Variants in MMP16 observed in about 807,000 individuals in gnomAD.
MMP16 encodes the protein matrix metalloproteinase-16.
Under a neutral mutation model 67.8 loss-of-function variants are expected in MMP16, and 12 were observed. That is an observed-to-expected ratio of 0.18 (90% confidence interval 0.11 to 0.29). The LOEUF (loss-of-function observed/expected upper bound fraction) is 0.29, where lower values mean the gene tolerates loss of function less well. MMP16 is among the 10% of genes least tolerant of loss of function. The pLI, the probability that MMP16 is intolerant of heterozygous loss-of-function variation, is 1.00. For synonymous variants in MMP16, 249 were observed against 255.9 expected (o/e 0.97, Z 0.26); for missense variants, 475 against 765.7 (o/e 0.62, Z 4.48).
At chr8:88,061,171 C>T (rs1157332660) in intron 7 of MMP16, among the ~76,000 whole-genome samples, 3 of 144,904 alleles carry the variant, frequency 2.1e-5, no homozygotes, top group Non-Finnish European at 3.0e-5. Flanking sequence ...CACACACACA[C>T]CCCTCATCCT....
intron 3 of MMP16, among the ~76,000 whole-genome samples, chr8:88,176,666 G>A (rs1248820146): frequency 1.3e-5 from 2 of 152,148 alleles, no homozygotes; most frequent in Non-Finnish European, 2.9e-5. Flanking sequence ...TTTTGTAGAT[G>A]AGATAGTGAA....
At chr8:88,145,400 C>T (rs1808274668) in intron 4 of MMP16, among the ~76,000 whole-genome samples, 1 of 151,654 alleles carries the variant, frequency 6.6e-6, no homozygotes, top group Non-Finnish European at 1.5e-5. Context: ...TATGTAAGGG[C>T]CATCATTGTC....
Position 88,039,966 on chromosome 8 carries a change from T to C in MMP16, c.*1495A>G, listed in dbSNP as rs1808109063. On this transcript the variant is annotated 3_prime_UTR_variant, in exon 10 of 10. Coordinates refer to ENST00000286614, the MANE Select transcript of MMP16 (RefSeq NM_005941.5). The surrounding 1 kb of genome is among the most constrained non-coding windows in gnomAD (Gnocchi z 4.5). ...GACGGCTAAATGCCAGAAGCCACAC[T>C]AACCCTTTGAGAACTATGGTGGACA... 1.3e-5 allele frequency: 2 copies of C among 152,630 alleles called. No homozygotes were observed. The highest frequency in any genetic ancestry group is 2.4e-5 in the African/African-American group (1 of 41,452). The allele number at this position is 152,630 out of a possible 1,614,324, so 9.5% of individuals were successfully genotyped here.
At chr8:88,157,271 C>G (rs1364224322) in intron 4 of MMP16, among the ~76,000 whole-genome samples, 4 of 152,036 alleles carry the variant, frequency 2.6e-5, no homozygotes, top group Non-Finnish European at 5.9e-5. Flanking sequence ...ACAGTATAAC[C>G]ACTATTTACA....
intron 2 of MMP16, among the ~76,000 whole-genome samples, chr8:88,195,990 A>C (rs1219307306): frequency 2.0e-5 from 3 of 152,222 alleles, no homozygotes; most frequent in Non-Finnish European, 4.4e-5. Context: ...TTGATATGTC[A>C]GAATTAATTA....
At chr8:88,090,678 T>G (rs1808918918) in intron 6 of MMP16, among the ~76,000 whole-genome samples, 1 of 151,898 alleles carries the variant, frequency 6.6e-6, no homozygotes. Context: ...TATTACTGAT[T>G]ACAACTAAAG....
intron 1 of MMP16, among the ~76,000 whole-genome samples, chr8:88,317,512 T>C (rs1163232581): frequency 6.6e-6 from 1 of 152,226 alleles, no homozygotes; most frequent in Non-Finnish European, 1.5e-5. Context: ...ATAACTTTTA[T>C]ATGCACTGGG....
At chr8:88,132,913 T>C (rs573740292) in intron 4 of MMP16, among the ~76,000 whole-genome samples, 1 of 151,882 alleles carries the variant, frequency 6.6e-6, no homozygotes, top group Middle Eastern at 3.2e-3. Context: ...CATTGTAATA[T>C]GTATGCAAGG....
intron 1 of MMP16, among the ~76,000 whole-genome samples, chr8:88,281,292 T>C (rs934260647): frequency 6.6e-6 from 1 of 152,142 alleles, no homozygotes; most frequent in African/African-American, 2.4e-5. Flanking sequence ...AAAATTACGA[T>C]TTACAAAAAG....
intron 1 of MMP16, among the ~76,000 whole-genome samples, chr8:88,272,047 G>A (rs1810572219): frequency 6.6e-6 from 1 of 152,118 alleles, no homozygotes; most frequent in Non-Finnish European, 1.5e-5. Context: ...GATTAAATGG[G>A]ACAATATATA....
intron 1 of MMP16, among the ~76,000 whole-genome samples, chr8:88,211,093 C>T (rs1809505127): frequency 6.6e-6 from 1 of 152,078 alleles, no homozygotes; most frequent in Non-Finnish European, 1.5e-5. Context: ...CTCTTAACAA[C>T]TTCCAGGAAG....
chr8:88,207,746 T>C (rs1809452434), intron 1 of MMP16, among the ~76,000 whole-genome samples: 1 of 151,884 alleles, frequency 6.6e-6, no homozygotes. Context: ...GAGGTGTTGC[T>C]GCAGCTATGC....
intron 1 of MMP16, among the ~76,000 whole-genome samples, chr8:88,237,678 C>CAAAA (rs750756275): frequency 1.6e-3 from 24 of 15,362 alleles, no homozygotes; most frequent in Admixed American, 3.8e-3. Context: ...ACAACAACAA[C>CAAAA]AACAAAAAAC....
At chr8:88,311,896 T>C (rs1027648484) in intron 1 of MMP16, among the ~76,000 whole-genome samples, 1 of 151,942 alleles carries the variant, frequency 6.6e-6, no homozygotes, top group African/African-American at 2.4e-5. Flanking sequence ...TAAAATAGGG[T>C]TGCAACCCAA....
Position 88,032,374 on chromosome 8 carries a change from T to C in MMP16, c.*9087A>G, listed in dbSNP as rs1038297966. Reference sequence around the variant, plus strand: ...AAAGTTCAGTCATGTTAATGGTCTATAGCAATGAGATTAATAGCATGACCC... The same window carrying C: ...AAAGTTCAGTCATGTTAATGGTCTACAGCAATGAGATTAATAGCATGACCC... On this transcript the variant is annotated 3_prime_UTR_variant, in exon 10 of 10. Coordinates refer to ENST00000286614, the MANE Select transcript of MMP16 (RefSeq NM_005941.5). 2 of 152,118 alleles carry C rather than the reference T, an allele frequency of 1.3e-5. No individual in the cohort carries two copies. Among genetic ancestry groups the C allele is most frequent in the African/African-American group, 4.8e-5 (2 of 41,426 alleles). 9.4% of individuals were successfully genotyped at this position (152,118 alleles called of 1,614,324 possible).
chr8:88,326,505 T>C lies in MMP16; in HGVS notation c.132+570A>G, dbSNP rs181937983. Among the ~76,000 whole-genome samples, 153 of 152,200 alleles carry C rather than the reference T, an allele frequency of 1.0e-3. 1 individual carries two copies. Among genetic ancestry groups the C allele is most frequent in the Non-Finnish European group, 2.1e-4 (14 of 68,010 alleles). On this transcript the variant is annotated intron_variant, in intron 1 of 9. Transcript: ENST00000286614. The stretch of plus-strand genomic sequence containing the variant: ...AAAAAGAGATGGATTTCATGTCCTC[T>C]GTGTAGCCAGATCTAGTTACAGTGT...
intron 4 of MMP16, among the ~76,000 whole-genome samples, chr8:88,166,984 G>C (rs1168827236): frequency 6.6e-6 from 1 of 151,898 alleles, no homozygotes; most frequent in Non-Finnish European, 1.5e-5. Context: ...ATCACCTCGT[G>C]AGAGTGGATC....
intron 3 of MMP16, among the ~76,000 whole-genome samples, chr8:88,183,520 T>A (rs762825453): frequency 6.6e-6 from 1 of 152,162 alleles, no homozygotes; most frequent in Non-Finnish European, 1.5e-5. Flanking sequence ...TCTTTTCAAA[T>A]CTTACATCTT....
chr8:88,156,862 G>A (rs1017343126), intron 4 of MMP16, among the ~76,000 whole-genome samples: 1 of 152,054 alleles, frequency 6.6e-6, no homozygotes, highest in Non-Finnish European at 1.5e-5. Context: ...TGTAAGAGAA[G>A]AGAAATAACA....
Sources: gnomAD v4.1 joint callset for allele counts (sites outside exome capture counted in the v4.1 genomes callset) on GRCh38, gnomAD v4.1.1 for gene constraint, Gnocchi (gnomAD v3.1) non-coding constraint, MANE v1.5 for transcripts, NCBI Gene and HGNC (gene_info 2026-07-23, HGNC 2026-07-21) for gene names.